LRRC37A2: variants seen among roughly 807,000 people sequenced by gnomAD.
The protein encoded by LRRC37A2 is leucine-rich repeat-containing protein 37A2.
A neutral mutation model predicts 68.8 loss-of-function variants in LRRC37A2; 9 were observed. The ratio of observed to expected loss-of-function variants is 0.13; its 90% CI spans 0.08 to 0.23. LRRC37A2 has a LOEUF of 0.23. Ranked by LOEUF, LRRC37A2 falls within the 10% of genes least tolerant of loss-of-function variation. The probability of loss-of-function intolerance (pLI) is 1.00; values close to 1 mark genes in which losing one functional copy is unlikely to be tolerated. For missense variants in LRRC37A2, 168 were observed against 950.4 expected (o/e 0.18, Z 10.82); for synonymous variants, 63 against 367.6 (o/e 0.17, Z 9.48).
the LRRC37A2 span, chr17:46,872,458 A>G: frequency 7.0e-7 from 1 of 1,433,996 alleles, no homozygotes; most frequent in Non-Finnish European, 9.2e-7. Context: ...CCTTCCCTTC[A>G]TTTGCCCCTC....
the LRRC37A2 span, among the ~76,000 whole-genome samples, chr17:46,903,116 T>A: frequency 6.6e-6 from 1 of 152,086 alleles, no homozygotes; most frequent in Non-Finnish European, 1.5e-5. Context: ...ACCCCATCTC[T>A]ACTAAAAATA....
the LRRC37A2 span, among the ~76,000 whole-genome samples, chr17:46,753,210 A>G: frequency 1.3e-5 from 2 of 152,218 alleles, no homozygotes; most frequent in Non-Finnish European, 1.5e-5. Flanking sequence ...TCTAGGCATC[A>G]TGTGTTACTT....
the LRRC37A2 span, among the ~76,000 whole-genome samples, chr17:46,768,039 C>T: frequency 3.3e-5 from 5 of 152,198 alleles, no homozygotes; most frequent in East Asian, 7.7e-4. The surrounding 1 kb of genome is among the most constrained non-coding windows in gnomAD (Gnocchi z 5.0). Context: ...CCGTCCACCT[C>T]GGCCTCCCAA....
the LRRC37A2 span, among the ~76,000 whole-genome samples, chr17:47,008,930 AATAAC>A: frequency 6.6e-6 from 1 of 152,200 alleles, no homozygotes; most frequent in African/African-American, 2.4e-5. Context: ...TCTTGACAAT[AATAAC>A]ATAATTGATT....
the LRRC37A2 span, among the ~76,000 whole-genome samples, chr17:47,037,236 G>A: frequency 6.6e-6 from 1 of 152,070 alleles, no homozygotes; most frequent in African/African-American, 2.4e-5. Context: ...GTTGCAGTAA[G>A]CCGAGGTCAC....
chr17:46,777,300 C>A, the LRRC37A2 span, among the ~76,000 whole-genome samples: 12 of 152,398 alleles, frequency 7.9e-5, no homozygotes, highest in Admixed American at 2.0e-4. Context: ...GAAAGCCAGG[C>A]CGGCTGGCTT....
the LRRC37A2 span, chr17:46,978,781 A>G: frequency 6.2e-7 from 1 of 1,612,336 alleles, no homozygotes. Context: ...GGTAAGCGAC[A>G]GCACGCAGAG....
At chr17:46,871,828 T>C in the LRRC37A2 span, among the ~76,000 whole-genome samples, 1 of 152,236 alleles carries the variant, frequency 6.6e-6, no homozygotes, top group Non-Finnish European at 1.5e-5. Flanking sequence ...CATCAGTCCT[T>C]CCTTCCTTCC....
the LRRC37A2 span, among the ~76,000 whole-genome samples, chr17:47,029,455 C>G: frequency 6.6e-6 from 1 of 152,178 alleles, no homozygotes; most frequent in South Asian, 2.1e-4. Context: ...AGATTCTCCT[C>G]TACATCTGAC....
the LRRC37A2 span, among the ~76,000 whole-genome samples, chr17:46,901,743 C>T: frequency 6.6e-6 from 1 of 151,838 alleles, no homozygotes; most frequent in Non-Finnish European, 1.5e-5. Flanking sequence ...GCAACAAATC[C>T]TTTGGTTTCC....
At chr17:46,743,908 C>A in the LRRC37A2 span, among the ~76,000 whole-genome samples, 7 of 152,316 alleles carry the variant, frequency 4.6e-5, no homozygotes, top group South Asian at 8.3e-4. Context: ...TGTCTGCAGA[C>A]AACTTCGTTT....
the LRRC37A2 span, among the ~76,000 whole-genome samples, chr17:46,735,537 AT>A: frequency 4.4e-4 from 67 of 151,942 alleles, no homozygotes; most frequent in Admixed American, 4.1e-3. Context: ...ACGTCCCTTA[AT>A]TTCTTGGTGT....
chr17:47,032,327 TC>T, the LRRC37A2 span, among the ~76,000 whole-genome samples: 3 of 148,724 alleles, frequency 2.0e-5, no homozygotes, highest in African/African-American at 7.4e-5. Context: ...TTCCAACAAC[TC>T]TTGCGATGCG....
chr17:46,916,880 C>T, the LRRC37A2 span: 1 of 152,216 alleles, frequency 6.6e-6, no homozygotes, highest in African/African-American at 2.4e-5. Context: ...GAAGTTAGTA[C>T]ATGAAACAGA....
chr17:46,840,548 T>C, the LRRC37A2 span, among the ~76,000 whole-genome samples: 1 of 152,248 alleles, frequency 6.6e-6, no homozygotes, highest in East Asian at 1.9e-4. Flanking sequence ...CTGGGTCAAA[T>C]GATATTGCTA....
At chr17:46,816,511 A>T in the LRRC37A2 span, among the ~76,000 whole-genome samples, 20 of 131,456 alleles carry the variant, frequency 1.5e-4, no homozygotes, top group Non-Finnish European at 3.3e-5. Context: ...ACACACACAC[A>T]CACACCTCTC....
chr17:46,713,713 C>A, the LRRC37A2 span: 1 of 701,534 alleles, frequency 1.4e-6, no homozygotes, highest in Non-Finnish European at 2.4e-6. Context: ...GAAAACATGT[C>A]TGCTGTGAAA....
At chr17:46,745,669 A>G in the LRRC37A2 span, among the ~76,000 whole-genome samples, 2 of 152,236 alleles carry the variant, frequency 1.3e-5, no homozygotes, top group African/African-American at 4.8e-5. Flanking sequence ...ATTATGGACT[A>G]TGGAACATTA....
the LRRC37A2 span, chr17:46,851,759 T>A: frequency 9.6e-7 from 1 of 1,045,102 alleles, no homozygotes; most frequent in Non-Finnish European, 1.2e-6. This position sits in a 1 kb window ranked among gnomAD's most constrained non-coding sequence, Gnocchi z 4.3. Context: ...GGCCTGCCTG[T>A]CTCTCCCTCC....
Sources: allele counts gnomAD v4.1 joint callset (sites outside exome capture counted in the v4.1 genomes callset), GRCh38; gene constraint gnomAD v4.1.1; non-coding constraint Gnocchi (gnomAD v3.1); transcripts MANE v1.5; gene names NCBI Gene and HGNC (gene_info 2026-07-23, HGNC 2026-07-21).